The following FREM1 variants were observed in gnomAD, a reference collection of about 807,000 sequenced individuals.
The protein encoded by FREM1 is FRAS1-related extracellular matrix protein 1.
Under a neutral mutation model 210.1 loss-of-function variants are expected in FREM1, and 220 were observed. The ratio of observed to expected loss-of-function variants is 1.05; its 90% CI spans 0.94 to 1.17. The LOEUF is 1.17. FREM1 is among the 50% of genes most tolerant of loss of function. The pLI, the probability that FREM1 is intolerant of heterozygous loss-of-function variation, is 0.00. For synonymous variants in FREM1, 1,189 were observed against 980.2 expected (o/e 1.21, Z -3.98); for missense variants, 3,454 against 2,675.5 (o/e 1.29, Z -6.42).
At chr9:14,860,727 ACACATATATACACATATATATG>A (rs1383584563) in intron 3 of FREM1, among the ~76,000 whole-genome samples, 1 of 120,114 alleles carries the variant, frequency 8.3e-6, no homozygotes, top group Admixed American at 8.7e-5. Context: ...ACACATATAT[ACACATATATACACATATATATG>A]CACATATATA....
At position 14,792,742 on chromosome 9, in the gene FREM1, C is replaced by A; in HGVS notation, c.3981+1G>T. The A allele has an allele frequency of 6.3e-7, 1 of 1,592,580 alleles. No individual in the cohort carries two copies. The highest frequency in any genetic ancestry group is 1.8e-5 in the Admixed American group (1 of 56,092). On this transcript the variant is annotated splice_donor_variant, in intron 22 of 36. Transcript: ENST00000380880. LOFTEE classifies it high-confidence loss of function. ...AAAAATAAAAGTAAGAAGTCACTAACCTTAAGCTGAAGTTGCCCATTTTGG... is the reference window on the plus strand; with the variant it reads ...AAAAATAAAAGTAAGAAGTCACTAAACTTAAGCTGAAGTTGCCCATTTTGG...
chr9:14,809,070 T>A (rs552640790), intron 16 of FREM1, among the ~76,000 whole-genome samples: 2 of 152,286 alleles, frequency 1.3e-5, no homozygotes, highest in South Asian at 2.1e-4. Flanking sequence ...GGGAGGTGAC[T>A]GAATTTATGG....
chr9:14,738,867 A>G (rs1165193992), intron 36 of FREM1, among the ~76,000 whole-genome samples: 1 of 151,700 alleles, frequency 6.6e-6, no homozygotes, highest in Non-Finnish European at 1.5e-5. Context: ...AAACTTAGCC[A>G]GGTGTGGTAG....
At chr9:14,874,960 G>A (rs980422011) in intron 1 of FREM1, among the ~76,000 whole-genome samples, 24 of 152,288 alleles carry the variant, frequency 1.6e-4, no homozygotes, top group Non-Finnish European at 1.6e-4. Context: ...ATTCTGGGTT[G>A]AAAATTCTTT....
At chr9:14,869,601 C>T (rs1832213472) in intron 1 of FREM1, among the ~76,000 whole-genome samples, 1 of 152,310 alleles carries the variant, frequency 6.6e-6, no homozygotes, top group East Asian at 1.9e-4. Context: ...TCCCTTTCCT[C>T]ATTTGTTAAA....
chr9:14,791,609 G>T (rs1851330089), intron 22 of FREM1, among the ~76,000 whole-genome samples: 1 of 152,170 alleles, frequency 6.6e-6, no homozygotes, highest in South Asian at 2.1e-4. Context: ...ACTGCAGTGG[G>T]ATGAAGACAC....
intron 23 of FREM1, 29 bp downstream of exon 23, chr9:14,788,890 C>A: frequency 6.4e-7 from 1 of 1,571,426 alleles, no homozygotes; most frequent in East Asian, 2.3e-5. Flanking sequence ...AAAGTTGATC[C>A]CAGTAAACCT....
chr9:14,815,252 C>G (rs1232924557), intron 15 of FREM1, among the ~76,000 whole-genome samples: 1 of 151,868 alleles, frequency 6.6e-6, no homozygotes, highest in Non-Finnish European at 1.5e-5. Context: ...GATGCCAGCC[C>G]AAGACTACAC....
rs1295586442 is a variant in FREM1, at chr9:14,910,156, C to T, written c.-510G>A. 3 of 152,278 alleles carry T rather than the reference C, an allele frequency of 2.0e-5. No homozygotes were observed. Among genetic ancestry groups the T allele is most frequent in the African/African-American group, 7.2e-5 (3 of 41,460 alleles). The allele number at this position is 152,278 out of a possible 1,614,324, so 9.4% of individuals were successfully genotyped here. On this transcript the variant is annotated 5_prime_UTR_variant, in exon 1 of 37. In the 5' UTR this introduces an upstream ATG that the reference lacks. Coordinates refer to ENST00000380880, the MANE Select transcript of FREM1 (RefSeq NM_001379081.2). The stretch of plus-strand genomic sequence containing the variant: ...AATACAGAATTGAAGTTCACATACA[C>T]ACTCCACTTTCTTTGCTGGTCTTCT...
At chr9:14,765,228 C>T (rs1186577043) in intron 27 of FREM1, among the ~76,000 whole-genome samples, 1 of 152,188 alleles carries the variant, frequency 6.6e-6, no homozygotes, top group Non-Finnish European at 1.5e-5. Flanking sequence ...TAATCGAATG[C>T]TATGAACACC....
chr9:14,898,025 T>C lies in FREM1; in HGVS notation c.-268+11889A>G, dbSNP rs1004005578. ...TTCTTACAAATAACTTTGTAAATAA[T>C]GTTATGATTCAGTAGTGCTAAAAAA... On this transcript the variant is annotated intron_variant, in intron 1 of 36. Transcript: ENST00000380880. Among the ~76,000 whole-genome samples, 7 of 152,232 alleles carry C rather than the reference T, an allele frequency of 4.6e-5. No homozygotes were observed. In the South Asian group the frequency reaches 6.2e-4, roughly 14 times the overall value.
intron 1 of FREM1, among the ~76,000 whole-genome samples, chr9:14,902,934 G>A (rs568400077): frequency 6.6e-6 from 1 of 152,136 alleles, no homozygotes; most frequent in African/African-American, 2.4e-5. Context: ...AGAATTACAT[G>A]GTAAACAGGA....
intron 22 of FREM1, among the ~76,000 whole-genome samples, chr9:14,790,192 G>C (rs1334133689): frequency 6.6e-6 from 1 of 152,168 alleles, no homozygotes. Flanking sequence ...GTTCATGTCA[G>C]ATAGAATACA....
At chr9:14,865,698 T>TGTGTGTGTGTGTGTGC (rs759644257) in intron 2 of FREM1, among the ~76,000 whole-genome samples, 7 of 150,638 alleles carry the variant, frequency 4.6e-5, no homozygotes, top group African/African-American at 1.5e-4. Flanking sequence ...TGTGTGTGTG[T>TGTGTGTGTGTGTGTGC]GCACATGCAC....
chr9:14,846,877 G>A (rs1250944852), intron 7 of FREM1, among the ~76,000 whole-genome samples: 1 of 152,142 alleles, frequency 6.6e-6, no homozygotes, highest in African/African-American at 2.4e-5. Context: ...CGCCCCATGA[G>A]GGTTCCCAGT....
chr9:14,901,625 T>C (rs1024189166), intron 1 of FREM1, among the ~76,000 whole-genome samples: 10 of 152,194 alleles, frequency 6.6e-5, no homozygotes, highest in Admixed American at 3.3e-4. Flanking sequence ...TAGTAATGCA[T>C]GACACAGGTC....
chr9:14,848,574 T>G (rs1258929431), intron 7 of FREM1, 91 bp downstream of exon 7: 2 of 625,278 alleles, frequency 3.2e-6, no homozygotes, highest in African/African-American at 3.6e-5. Flanking sequence ...ATGTATGACA[T>G]AGGAATAAAA....
At position 14,868,741 on chromosome 9, in the gene FREM1, TACCTGTGGAG is replaced by T. The variant is rs1173499002; in HGVS notation, c.227_234+2del. On this transcript the variant is annotated splice_donor_variant and coding_sequence_variant, in exon 2 of 37. Transcript: ENST00000380880. LOFTEE classifies it high-confidence loss of function. The stretch of plus-strand genomic sequence containing the variant: ...TGAACAGAAAATCGCAGATAGGACC[TACCTGTGGAG>T]TGAGTTTCCCAACCCTCTGGGTTAT... 3.8e-6 allele frequency: 6 copies of T among 1,592,304 alleles called. No homozygotes were observed. Among genetic ancestry groups the T allele is most frequent in the Non-Finnish European group, 5.2e-6 (6 of 1,163,594 alleles).
At chr9:14,769,897 G>T (rs753505898) in intron 26 of FREM1, 29 bp from the exon 27 acceptor site, 5 of 1,144,310 alleles carry the variant, frequency 4.4e-6, no homozygotes, top group Admixed American at 2.4e-5. Flanking sequence ...GAATATCATG[G>T]GTAATCAAAC....
Sources: gnomAD v4.1 joint callset for allele counts (sites outside exome capture counted in the v4.1 genomes callset) on GRCh38, gnomAD v4.1.1 for gene constraint, MANE v1.5 for transcripts, NCBI Gene and HGNC (gene_info 2026-07-23, HGNC 2026-07-21) for gene names.